The following PIGN variants were observed in gnomAD, a reference collection of about 807,000 sequenced individuals.
The protein encoded by PIGN is phosphatidylinositol glycan anchor biosynthesis class N.
Under a neutral mutation model 125.4 loss-of-function variants are expected in PIGN, and 117 were observed. The observed-to-expected ratio is 0.93, with a 90% CI of 0.80 to 1.09. PIGN has a LOEUF of 1.09. PIGN is among the 50% of genes least tolerant of loss of function. The pLI is 0.00. For synonymous variants in PIGN, 392 were observed against 377.8 expected (o/e 1.04, Z -0.44); for missense variants, 1,075 against 1,094.9 (o/e 0.98, Z 0.26).
At chr18:62,123,887 CAT>C (rs1434025942) in intron 14 of PIGN, among the ~76,000 whole-genome samples, 3 of 151,116 alleles carry the variant, frequency 2.0e-5, no homozygotes, top group Non-Finnish European at 2.9e-5. Context: ...AATTTTATCA[CAT>C]ATTATAACTC....
chr18:62,173,768 A>T (rs1478670408), intron 1 of PIGN, among the ~76,000 whole-genome samples: 1 of 152,248 alleles, frequency 6.6e-6, no homozygotes, highest in Admixed American at 6.5e-5. Flanking sequence ...TAAATTAAAC[A>T]TTATGAAATA....
intron 23 of PIGN, among the ~76,000 whole-genome samples, chr18:62,091,092 G>A (rs1441563183): frequency 1.3e-5 from 2 of 152,184 alleles, no homozygotes; most frequent in South Asian, 2.1e-4. Flanking sequence ...GTTCATGCCT[G>A]TAATCCCAGC....
chr18:62,156,995 C>T (rs2036760885), intron 6 of PIGN, 134 bp downstream of exon 6: 2 of 518,512 alleles, frequency 3.9e-6, no homozygotes, highest in East Asian at 3.0e-5. Flanking sequence ...TTAAACATCC[C>T]TATTTCAGAA....
intron 1 of PIGN, among the ~76,000 whole-genome samples, chr18:62,166,892 C>A (rs1167580595): frequency 6.6e-6 from 1 of 151,948 alleles, no homozygotes; most frequent in African/African-American, 2.4e-5. Context: ...AACACCAGGG[C>A]CTGTAGCAGG....
chr18:62,058,606 ATAAAT>A (rs1440923174), intron 30 of PIGN, among the ~76,000 whole-genome samples: 1 of 152,268 alleles, frequency 6.6e-6, no homozygotes, highest in Non-Finnish European at 1.5e-5. Flanking sequence ...ATGTCTGCAC[ATAAAT>A]TAAAGCTAAA....
intron 7 of PIGN, 55 bp from the exon 8 acceptor site, chr18:62,148,393 T>C (rs1599633820): frequency 1.7e-6 from 2 of 1,183,548 alleles, no homozygotes; most frequent in African/African-American, 1.6e-5. Flanking sequence ...ATTTTAAAAA[T>C]AATACTGATG....
At chr18:62,024,979 G>C (rs1451598675) in intron 23 of PIGN, among the ~76,000 whole-genome samples, 2 of 152,244 alleles carry the variant, frequency 1.3e-5, no homozygotes, top group South Asian at 2.1e-4. Flanking sequence ...CACTCTTATG[G>C]GTACAAGTAG....
intron 7 of PIGN, among the ~76,000 whole-genome samples, chr18:62,149,420 T>C (rs184751552): frequency 2.0e-5 from 3 of 152,276 alleles, no homozygotes; most frequent in African/African-American, 7.2e-5. Flanking sequence ...AACACATAAT[T>C]GAGAGCTGAA....
intron 5 of PIGN, 67 bp from the exon 6 acceptor site, chr18:62,157,294 C>T (rs1289959117): frequency 2.0e-5 from 15 of 763,654 alleles, no homozygotes; most frequent in East Asian, 1.4e-4. Context: ...AAGAACTATT[C>T]TTCAAATAAT....
intron 30 of PIGN, among the ~76,000 whole-genome samples, chr18:62,060,700 A>G (rs1375652525): frequency 2.0e-5 from 3 of 152,232 alleles, no homozygotes; most frequent in Admixed American, 6.5e-5. Flanking sequence ...TTAAAGTCCA[A>G]ATGAAGACTG....
intron 1 of PIGN, among the ~76,000 whole-genome samples, chr18:62,181,724 T>C (rs770417152): frequency 1.3e-5 from 2 of 152,042 alleles, no homozygotes; most frequent in Non-Finnish European, 2.9e-5. Context: ...CTTCTCCTTT[T>C]TATTTTTATT....
chr18:62,048,705 T>TG (rs1252116796), intron 30 of PIGN, among the ~76,000 whole-genome samples: 1 of 150,622 alleles, frequency 6.6e-6, no homozygotes, highest in Non-Finnish European at 1.5e-5. Context: ...CTTTTTTTTT[T>TG]TTTATTATTA....
At chr18:62,080,541 A>G (rs1302606772) in intron 28 of PIGN, among the ~76,000 whole-genome samples, 2 of 152,190 alleles carry the variant, frequency 1.3e-5, no homozygotes, top group Non-Finnish European at 2.9e-5. Context: ...TGGGAAAGAC[A>G]CTGCTACCCT....
chr18:62,149,031 C>T (rs1482923985), intron 7 of PIGN, among the ~76,000 whole-genome samples: 2 of 152,100 alleles, frequency 1.3e-5, no homozygotes, highest in African/African-American at 2.4e-5. Context: ...AACATGGGTG[C>T]AAAACTATGA....
At chr18:62,158,324 A>G (rs1338627403) in intron 4 of PIGN, among the ~76,000 whole-genome samples, 2 of 152,192 alleles carry the variant, frequency 1.3e-5, no homozygotes, top group Admixed American at 1.3e-4. Flanking sequence ...CGCAATTATG[A>G]AAAAAGGTTA....
At chr18:62,128,300 G>A (rs80199443) in intron 14 of PIGN, among the ~76,000 whole-genome samples, 9 of 152,232 alleles carry the variant, frequency 5.9e-5, no homozygotes, top group African/African-American at 2.2e-4. Flanking sequence ...AGGACTTTCA[G>A]AGATATCATC....
chr18:62,063,045 G>A (rs1316856334), intron 30 of PIGN, among the ~76,000 whole-genome samples: 1 of 151,338 alleles, frequency 6.6e-6, no homozygotes, highest in Non-Finnish European at 1.5e-5. Flanking sequence ...GCTTGCACTA[G>A]CTCTTTTAAA....
At chr18:62,137,994 A>C in intron 14 of PIGN, 1 of 440,554 alleles carries the variant, frequency 2.3e-6, no homozygotes, top group South Asian at 3.1e-5. Context: ...AGCCCTGTGG[A>C]GTTCACCTGC....
chr18:62,072,731 A>AG lies in PIGN; in HGVS notation c.2620-7_2620-6insC, dbSNP rs762870787. 7 of 1,312,420 alleles carry AG rather than the reference A, an allele frequency of 5.3e-6. No individual in the cohort carries two copies. The East Asian group carries it at 1.0e-4, about 19-fold the overall frequency. 81.3% of individuals were successfully genotyped at this position (1,312,420 alleles called of 1,614,324 possible). A position where few individuals can be genotyped will look rare whatever the true frequency, so the allele number is the denominator to read the frequency against. On this transcript the variant is annotated splice_polypyrimidine_tract_variant and splice_region_variant and intron_variant, in intron 29 of 30. Transcript: ENST00000640252. Reference sequence around the variant, plus strand: ...TTGACCAAGAAGAAAAAATGCTGTAAAAAAAAAAAAAGGCTTAATGAAAAA... The same window carrying AG: ...TTGACCAAGAAGAAAAAATGCTGTAAGAAAAAAAAAAAGGCTTAATGAAAAA...
Sources: gnomAD v4.1 joint callset for allele counts (sites outside exome capture counted in the v4.1 genomes callset) on GRCh38, gnomAD v4.1.1 for gene constraint, MANE v1.5 for transcripts, NCBI Gene and HGNC (gene_info 2026-07-23, HGNC 2026-07-21) for gene names.